The following SORCS3 variants were observed in gnomAD, a reference collection of about 807,000 sequenced individuals.
SORCS3 encodes VPS10 domain-containing receptor SorCS3.
Under a neutral mutation model 146.3 loss-of-function variants are expected in SORCS3, and 57 were observed. The ratio of observed to expected loss-of-function variants is 0.39; its 90% confidence interval spans 0.31 to 0.49. The LOEUF is 0.49. SORCS3 is among the 20% of genes least tolerant of loss of function. SORCS3 has a pLI of 0.92. For missense variants in SORCS3, 1,341 were observed against 1,575.5 expected (o/e 0.85, Z 2.52); for synonymous variants, 653 against 618.5 (o/e 1.06, Z -0.83).
rs1055914218 is a variant in SORCS3 at position 104,894,842 on chromosome 10, C to T, written c.696-20991C>T. 4.6e-5 allele frequency among the ~76,000 whole-genome samples: 7 copies of T among 152,006 alleles called. No homozygotes were observed. The South Asian group carries it at 8.3e-4, about 18-fold the overall frequency. On this transcript the variant is annotated intron_variant, in intron 2 of 26. Coordinates refer to ENST00000369701, the MANE Select transcript of SORCS3 (RefSeq NM_014978.3). ...AGGAGAATGATGATGGGAGAAGTGA[C>T]GAGCTCAGTTTTAGTTAGCATCCTG...
chr10:104,791,924 A>G (rs1167391245), intron 1 of SORCS3, among the ~76,000 whole-genome samples: 1 of 152,066 alleles, frequency 6.6e-6, no homozygotes, highest in East Asian at 1.9e-4. Flanking sequence ...GTTCTCTGCA[A>G]CTCTGGGAAA....
chr10:105,069,632 G>A (rs1487393170), intron 5 of SORCS3, among the ~76,000 whole-genome samples: 1 of 152,134 alleles, frequency 6.6e-6, no homozygotes, highest in Non-Finnish European at 1.5e-5. Context: ...ACTTCACTTT[G>A]CATCTTTCTG....
intron 1 of SORCS3, among the ~76,000 whole-genome samples, chr10:104,738,734 T>G (rs1366724637): frequency 1.3e-5 from 2 of 152,180 alleles, no homozygotes; most frequent in African/African-American, 4.8e-5. Flanking sequence ...CAGACAAAGT[T>G]GGGTTCATAT....
intron 5 of SORCS3, among the ~76,000 whole-genome samples, chr10:105,066,881 A>G (rs2055526413): frequency 6.6e-6 from 1 of 152,150 alleles, no homozygotes; most frequent in African/African-American, 2.4e-5. Context: ...AGTAGAGCCT[A>G]AAAGACGTAA....
intron 7 of SORCS3, among the ~76,000 whole-genome samples, chr10:105,123,725 A>G (rs929032621): frequency 2.0e-5 from 3 of 152,202 alleles, no homozygotes; most frequent in African/African-American, 4.8e-5. Context: ...AGAAATAAAC[A>G]TAATTGTGAG....
At chr10:104,851,015 A>G (rs1296317814) in intron 2 of SORCS3, among the ~76,000 whole-genome samples, 1 of 152,216 alleles carries the variant, frequency 6.6e-6, no homozygotes, top group African/African-American at 2.4e-5. Context: ...TGTCTAAACT[A>G]CTTAGTTTGA....
chr10:105,202,342 G>A (rs1338944424), intron 16 of SORCS3, among the ~76,000 whole-genome samples: 4 of 151,964 alleles, frequency 2.6e-5, no homozygotes, highest in Non-Finnish European at 4.4e-5. Context: ...TATTGCAACC[G>A]CATTACCACC....
intron 2 of SORCS3, among the ~76,000 whole-genome samples, chr10:104,913,506 A>C (rs569705795): frequency 6.6e-6 from 1 of 152,314 alleles, no homozygotes; most frequent in East Asian, 1.9e-4. Flanking sequence ...AGCATAACTC[A>C]TGACCATGTG....
At chr10:104,726,777 G>T (rs2016640152) in intron 1 of SORCS3, among the ~76,000 whole-genome samples, 1 of 152,048 alleles carries the variant, frequency 6.6e-6, no homozygotes, top group South Asian at 2.1e-4. Flanking sequence ...CACTGAATGA[G>T]CCTTGCCTGC....
chr10:105,067,105 A>G (rs2055527878), intron 5 of SORCS3, among the ~76,000 whole-genome samples: 1 of 152,186 alleles, frequency 6.6e-6, no homozygotes, highest in African/African-American at 2.4e-5. Context: ...ATTCTCTGCC[A>G]CTGAAAACCT....
intron 4 of SORCS3, among the ~76,000 whole-genome samples, chr10:105,022,241 G>T (rs933181011): frequency 6.6e-6 from 1 of 151,606 alleles, no homozygotes; most frequent in African/African-American, 2.4e-5. Context: ...TTACAAATCT[G>T]TGGGGTGACA....
At chr10:105,016,155 A>ATATATATATATATATATT (rs71482443) in intron 4 of SORCS3, among the ~76,000 whole-genome samples, 19 of 101,320 alleles carry the variant, frequency 1.9e-4, no homozygotes, top group South Asian at 3.4e-4. Context: ...ATATATATAT[A>ATATATATATATATATATT]TTTTTTTTTT....
chr10:105,104,934 A>T (rs1073286), intron 6 of SORCS3, among the ~76,000 whole-genome samples: 17,080 of 152,192 alleles, frequency 0.11, 1,060 homozygotes, highest in East Asian at 0.17. Flanking sequence ...ATGGGCATTG[A>T]GCCTATTTCT....
At chr10:104,959,482 A>G (rs939993600) in intron 3 of SORCS3, among the ~76,000 whole-genome samples, 1 of 152,106 alleles carries the variant, frequency 6.6e-6, no homozygotes, top group South Asian at 2.1e-4. Context: ...CTCTCATCAG[A>G]TGCTGAATCT....
chr10:104,799,274 A>G (rs573301005), intron 1 of SORCS3, among the ~76,000 whole-genome samples: 4 of 152,012 alleles, frequency 2.6e-5, no homozygotes, highest in Admixed American at 2.0e-4. Context: ...ATTCACAATA[A>G]CAAAGACTTG....
intron 1 of SORCS3, among the ~76,000 whole-genome samples, chr10:104,654,728 G>A (rs569229966): frequency 3.3e-4 from 50 of 152,334 alleles, no homozygotes; most frequent in African/African-American, 1.1e-3. Context: ...GGCATTATAT[G>A]TGTCTCCCCT....
At chr10:104,747,675 A>G (rs2016927150) in intron 1 of SORCS3, among the ~76,000 whole-genome samples, 1 of 152,006 alleles carries the variant, frequency 6.6e-6, no homozygotes, top group African/African-American at 2.4e-5. Context: ...TTATCCTATA[A>G]CTCTGGGGAG....
chr10:105,020,689 C>A (rs1054848539), intron 4 of SORCS3, among the ~76,000 whole-genome samples: 8 of 152,086 alleles, frequency 5.3e-5, no homozygotes, highest in Admixed American at 5.2e-4. Context: ...TATGTTTGGC[C>A]CATGGATCAC....
intron 1 of SORCS3, among the ~76,000 whole-genome samples, chr10:104,738,869 C>G (rs1201365510): frequency 6.6e-6 from 1 of 152,156 alleles, no homozygotes; most frequent in Non-Finnish European, 1.5e-5. Context: ...GATTCCCTGC[C>G]AATACCCACA....
Sources: gnomAD v4.1 joint callset for allele counts (sites outside exome capture counted in the v4.1 genomes callset) on GRCh38, gnomAD v4.1.1 for gene constraint, MANE v1.5 for transcripts, NCBI Gene and HGNC (gene_info 2026-07-23, HGNC 2026-07-21) for gene names.